Variants in EIF2AK2 observed in about 807,000 individuals in gnomAD.
EIF2AK2 encodes interferon-induced, double-stranded RNA-activated protein kinase.
EIF2AK2 carries 40 observed loss-of-function variants against 70.5 expected under a neutral mutation model. The ratio of observed to expected loss-of-function variants is 0.57; its 90% confidence interval spans 0.44 to 0.74. EIF2AK2 has a LOEUF of 0.74. Ranked by LOEUF, EIF2AK2 falls within the 30% of genes least tolerant of loss-of-function variation. The pLI is 0.00. For synonymous variants in EIF2AK2, 198 were observed against 220.9 expected (o/e 0.90, Z 0.92); for missense variants, 555 against 644.3 (o/e 0.86, Z 1.50).
rs934297382 is a variant in EIF2AK2, at chr2:37,122,450, G to C, written c.1067+56C>G. The C allele has an allele frequency of 1.1e-5, 18 of 1,578,938 alleles. No individual in the cohort carries two copies. The African/African-American group carries it at 2.0e-4, about 18-fold the overall frequency. On this transcript the variant is annotated intron_variant, in intron 12 of 16. Transcript: ENST00000233057. ...AGCCTTATCCAGTGGCCCATACATA[G>C]TAAATAACAATTTCCTTCCATCCTA...
chr2:37,141,282 CT>C (rs1675321035), intron 5 of EIF2AK2, among the ~76,000 whole-genome samples: 1 of 152,182 alleles, frequency 6.6e-6, no homozygotes, highest in Non-Finnish European at 1.5e-5. Context: ...ACCCTGTACT[CT>C]CTTGGGTGTT....
intron 9 of EIF2AK2, 67 bp downstream of exon 9, chr2:37,136,916 A>T: frequency 6.9e-7 from 1 of 1,449,322 alleles, no homozygotes; most frequent in South Asian, 1.3e-5. Flanking sequence ...TACAAGTATT[A>T]AGAACAATAA....
In EIF2AK2 at chr2:37,101,566, T is replaced by C. The variant is rs1673828457; in HGVS notation, c.*5707A>G. On this transcript the variant is annotated 3_prime_UTR_variant, in exon 17 of 17. Coordinates refer to ENST00000233057, the MANE Select transcript of EIF2AK2 (RefSeq NM_001135651.3). ...AAGAGAAAGTGTATAGCATCACCTA[T>C]GGAGTATTCTTGGGGGAAAATAAAT... 1 of 152,210 alleles carries C rather than the reference T, an allele frequency of 6.6e-6. No individual in the cohort carries two copies. Among genetic ancestry groups the C allele is most frequent in the Admixed American group, 6.5e-5 (1 of 15,282 alleles). 9.4% of individuals were successfully genotyped at this position (152,210 alleles called of 1,614,324 possible).
chr2:37,125,020 A>T (rs531204073), intron 11 of EIF2AK2, among the ~76,000 whole-genome samples: 9 of 149,374 alleles, frequency 6.0e-5, no homozygotes, highest in African/African-American at 1.7e-4. Context: ...TTTTATTTTT[A>T]TTTTTTTTTG....
intron 13 of EIF2AK2, among the ~76,000 whole-genome samples, chr2:37,116,216 A>G (rs940277902): frequency 1.3e-5 from 2 of 151,754 alleles, no homozygotes; most frequent in Non-Finnish European, 2.9e-5. Context: ...GGTATTGACC[A>G]ATATTATTTT....
Position 37,120,095 on chromosome 2 carries a change from T to C in EIF2AK2, c.1112A>G (p.Lys371Arg), listed in dbSNP as rs754906535. 1.1e-5 allele frequency: 17 copies of C among 1,495,062 alleles called. No homozygotes were observed. In the South Asian group the frequency reaches 2.0e-4, roughly 18 times the overall value. 92.6% of individuals were successfully genotyped at this position (1,495,062 alleles called of 1,614,324 possible). ...TTCAATCCATTGTTCCAAGGTCCCT[T>C]TATCACAGAATTCCATTTGGATGAA... ...CLFIQMEFCD[K>R]GTLEQWIEKR... Residue 371 changes from lysine (K) to arginine (R), a missense_variant, in exon 13 of 17, where the codon AAA becomes AGA. Physicochemically the swap from Lys to Arg is conservative, Grantham distance 26 (BLOSUM62 2). This residue lies in a region of EIF2AK2 where 299 missense variants were observed against 375.4 expected (regional missense o/e 0.80). Transcript: ENST00000233057.
intron 4 of EIF2AK2, 133 bp downstream of exon 4, chr2:37,146,720 T>C: frequency 8.8e-7 from 1 of 1,133,592 alleles, no homozygotes; most frequent in Non-Finnish European, 1.2e-6. Flanking sequence ...ATAGGGTGAA[T>C]GACTTAACCA....
intron 6 of EIF2AK2, 24 bp from the exon 7 acceptor site, chr2:37,138,609 T>G (rs763585562): frequency 1.9e-6 from 3 of 1,602,450 alleles, no homozygotes; most frequent in South Asian, 2.2e-5. Flanking sequence ...TATCCCTTAG[T>G]AGGCTTAAAT....
intron 12 of EIF2AK2, among the ~76,000 whole-genome samples, chr2:37,122,161 A>G (rs1573010021): frequency 6.8e-6 from 1 of 148,002 alleles, no homozygotes; most frequent in Non-Finnish European, 1.5e-5. Flanking sequence ...CAGCATCTAT[A>G]TGTTAAAACT....
intron 13 of EIF2AK2, among the ~76,000 whole-genome samples, chr2:37,118,676 A>C (rs1388765935): frequency 1.3e-5 from 2 of 152,242 alleles, no homozygotes; most frequent in African/African-American, 4.8e-5. Context: ...CCACCTTCAA[A>C]GAACAACTTC....
intron 12 of EIF2AK2, 37 bp downstream of exon 12, chr2:37,122,469 C>A (rs1427899331): frequency 6.2e-7 from 1 of 1,600,724 alleles, no homozygotes; most frequent in Non-Finnish European, 8.5e-7. Context: ...AATTTCCTTC[C>A]ATCCTATTAT....
intron 1 of EIF2AK2, among the ~76,000 whole-genome samples, chr2:37,151,123 T>C (rs1230384672): frequency 1.3e-5 from 2 of 152,184 alleles, no homozygotes; most frequent in African/African-American, 4.8e-5. Flanking sequence ...TTTAAAACGT[T>C]TGTGTATCAA....
In EIF2AK2 at chr2:37,099,616, T is replaced by G. The variant is rs1230115154; in HGVS notation, c.*7657A>C. 6.6e-6 allele frequency: 1 copy of G among 152,188 alleles called. No individual in the cohort carries two copies. Among genetic ancestry groups the G allele is most frequent in the Admixed American group, 6.6e-5 (1 of 15,264 alleles). 9.4% of individuals were successfully genotyped at this position (152,188 alleles called of 1,614,324 possible). On this transcript the variant is annotated 3_prime_UTR_variant, in exon 17 of 17. Coordinates refer to ENST00000233057, the MANE Select transcript of EIF2AK2 (RefSeq NM_001135651.3). ...GATATAATTTTGATATGCAAAGTTA[T>G]GAGGAAAGAGTTACTGTATAATCCA...
intron 1 of EIF2AK2, among the ~76,000 whole-genome samples, chr2:37,151,927 G>T (rs1025579985): frequency 6.6e-6 from 1 of 152,218 alleles, no homozygotes; most frequent in African/African-American, 2.4e-5. Context: ...TTAGCCGGGC[G>T]CGGTGGCGCG....
At position 37,107,055 on chromosome 2, in the gene EIF2AK2, A is replaced by AAT; in HGVS notation, c.*217_*218insAT. ...AGACTCTGTCTTTAAAAAAAAAAAA[A>AAT]GAATAAAGAGATGAGCCAGGAAAAA... On this transcript the variant is annotated 3_prime_UTR_variant, in exon 17 of 17. Transcript: ENST00000233057. 3 of 512,306 alleles carry AAT rather than the reference A, an allele frequency of 5.9e-6. No homozygotes were observed. Among genetic ancestry groups the AAT allele is most frequent in the East Asian group, 4.4e-5 (1 of 22,854 alleles). The allele number at this position is 512,306 out of a possible 1,614,324, so 31.7% of individuals were successfully genotyped here. A position where few individuals can be genotyped will look rare whatever the true frequency, so the allele number is the denominator to read the frequency against.
intron 1 of EIF2AK2, among the ~76,000 whole-genome samples, chr2:37,150,615 T>G (rs1256421246): frequency 1.3e-5 from 2 of 152,184 alleles, no homozygotes; most frequent in Non-Finnish European, 2.9e-5. Flanking sequence ...AACACAATGC[T>G]TGCTTCAGGG....
chr2:37,149,123 C>G, intron 1 of EIF2AK2, 100 bp from the exon 2 acceptor site: 2 of 907,106 alleles, frequency 2.2e-6, no homozygotes, highest in Non-Finnish European at 3.7e-6. Context: ...GCCAGGGTCT[C>G]CTGATTTTTA....
Position 37,149,045 on chromosome 2 carries a change from G to A in EIF2AK2, c.-183-22C>T, listed in dbSNP as rs1675653928. The A allele has an allele frequency of 7.1e-6, 7 of 986,264 alleles. No individual in the cohort carries two copies. In the South Asian group the frequency reaches 8.9e-5, roughly 13 times the overall value. 61.1% of individuals were successfully genotyped at this position (986,264 alleles called of 1,614,324 possible). A position where few individuals can be genotyped will look rare whatever the true frequency, so the allele number is the denominator to read the frequency against. On this transcript the variant is annotated intron_variant, in intron 1 of 16. Transcript: ENST00000233057. ...GAAACTGGTAAAAGAGAAAAAAGAAGGCTTAAAAAAATGCAACCGCTGGTT... is the reference window on the plus strand; with the variant it reads ...GAAACTGGTAAAAGAGAAAAAAGAAAGCTTAAAAAAATGCAACCGCTGGTT...
chr2:37,139,251 G>A (rs576835093), intron 6 of EIF2AK2, among the ~76,000 whole-genome samples: 2 of 150,376 alleles, frequency 1.3e-5, no homozygotes, highest in East Asian at 4.0e-4. Context: ...GGAGGCGGAG[G>A]TTGCAGTGAG....
Sources: gnomAD v4.1 joint callset for allele counts (sites outside exome capture counted in the v4.1 genomes callset) on GRCh38, gnomAD v4.1.1 for gene constraint, gnomAD v4.1.1 regional missense constraint, MANE v1.5 for transcripts, NCBI Gene and HGNC (gene_info 2026-07-23, HGNC 2026-07-21) for gene names.